Variants in LRMDA observed in about 807,000 individuals in gnomAD.
The protein encoded by LRMDA is leucine rich melanocyte differentiation associated.
LRMDA carries 18 observed loss-of-function variants against 29.8 expected under a neutral mutation model. The observed-to-expected ratio is 0.60, with a 90% CI of 0.42 to 0.90. LRMDA has a LOEUF of 0.90. Ranked by LOEUF, LRMDA falls within the 40% of genes least tolerant of loss-of-function variation. The pLI, the probability that LRMDA is intolerant of heterozygous loss-of-function variation, is 0.00. For synonymous variants in LRMDA, 125 were observed against 109.4 expected, an observed-to-expected ratio of 1.14 and a Z score of -0.89; for missense variants, 273 against 273.9, an observed-to-expected ratio of 1.00 and a Z score of 0.02.
intron 2 of LRMDA, among the ~76,000 whole-genome samples, chr10:75,650,991 T>G (rs923560908): frequency 2.6e-5 from 4 of 152,178 alleles, no homozygotes; most frequent in African/African-American, 4.8e-5. Context: ...TTCACATTGT[T>G]GTGAAAAGAG....
At chr10:76,550,944 G>A (rs2132395476) in intron 6 of LRMDA, among the ~76,000 whole-genome samples, 2 of 152,294 alleles carry the variant, frequency 1.3e-5, no homozygotes, top group South Asian at 4.1e-4. Context: ...AGCCACAGCA[G>A]AGCTGATAGC....
chr10:76,179,446 C>T (rs868168760), intron 5 of LRMDA, among the ~76,000 whole-genome samples: 1 of 152,058 alleles, frequency 6.6e-6, no homozygotes, highest in African/African-American at 2.4e-5. Flanking sequence ...CCATAGCTGG[C>T]ATACTTTGTT....
At chr10:75,913,725 G>A (rs1845882796) in intron 2 of LRMDA, among the ~76,000 whole-genome samples, 1 of 152,176 alleles carries the variant, frequency 6.6e-6, no homozygotes, top group African/African-American at 2.4e-5. Context: ...GAAGCTCGAG[G>A]GCACAATGTG....
chr10:75,533,276 T>C (rs868390447), intron 2 of LRMDA, among the ~76,000 whole-genome samples: 1 of 152,220 alleles, frequency 6.6e-6, no homozygotes, highest in Non-Finnish European at 1.5e-5. Flanking sequence ...CCACTCTTTG[T>C]TTACCCTTAA....
chr10:75,980,401 C>T (rs962487971), intron 2 of LRMDA, among the ~76,000 whole-genome samples: 11 of 152,152 alleles, frequency 7.2e-5, no homozygotes, highest in Admixed American at 5.2e-4. Context: ...ATACATGAAT[C>T]GCCTACCAGG....
At chr10:76,457,238 A>G (rs951611246) in intron 6 of LRMDA, among the ~76,000 whole-genome samples, 1 of 152,190 alleles carries the variant, frequency 6.6e-6, no homozygotes, top group African/African-American at 2.4e-5. Flanking sequence ...CAGCCATGGG[A>G]CAAGTAACGT....
intron 6 of LRMDA, among the ~76,000 whole-genome samples, chr10:76,338,085 AAC>A (rs1491047528): frequency 6.6e-6 from 1 of 151,948 alleles, no homozygotes; most frequent in Non-Finnish European, 1.5e-5. Context: ...AAAAAAAAAA[AAC>A]AATTCCCAAA....
chr10:75,480,750 C>T (rs564346379), intron 2 of LRMDA, among the ~76,000 whole-genome samples: 8 of 152,102 alleles, frequency 5.3e-5, no homozygotes, highest in Admixed American at 2.0e-4. Flanking sequence ...GAATGGGCTG[C>T]GGGTGCAGGT....
chr10:76,476,583 C>A (rs1272147618), intron 6 of LRMDA, among the ~76,000 whole-genome samples: 1 of 152,072 alleles, frequency 6.6e-6, no homozygotes, highest in Non-Finnish European at 1.5e-5. Context: ...CAAAGCCTGG[C>A]AGAGACACAA....
chr10:76,106,974 T>C (rs7920628), intron 5 of LRMDA, among the ~76,000 whole-genome samples: 86,507 of 152,042 alleles, frequency 0.57, 25,174 homozygotes, highest in East Asian at 0.75. Context: ...TCTAAAATAT[T>C]CCCCCTGGAG....
intron 2 of LRMDA, among the ~76,000 whole-genome samples, chr10:75,969,166 T>C (rs1846920872): frequency 1.3e-5 from 2 of 152,194 alleles, no homozygotes; most frequent in Non-Finnish European, 2.9e-5. Context: ...TTGTCTATGT[T>C]GCCTTAATAT....
intron 2 of LRMDA, among the ~76,000 whole-genome samples, chr10:75,943,500 A>C (rs1481359594): frequency 3.9e-5 from 6 of 152,156 alleles, no homozygotes; most frequent in African/African-American, 1.4e-4. Flanking sequence ...CTTTATTCTT[A>C]CTTTTATGTC....
intron 2 of LRMDA, among the ~76,000 whole-genome samples, chr10:75,578,215 C>CAAAAAAA (rs1183989010): frequency 0.018 from 261 of 14,232 alleles, 69 homozygotes; most frequent in East Asian, 0.041. Context: ...AAATGGAAAG[C>CAAAAAAA]AAAAAAAAAA....
At chr10:76,164,046 A>G (rs1850692798) in intron 5 of LRMDA, among the ~76,000 whole-genome samples, 1 of 152,198 alleles carries the variant, frequency 6.6e-6, no homozygotes. Flanking sequence ...AACCCTCTGA[A>G]GTTTCCTAGG....
intron 2 of LRMDA, among the ~76,000 whole-genome samples, chr10:75,732,903 A>T (rs1192445433): frequency 6.6e-6 from 1 of 152,160 alleles, no homozygotes; most frequent in Non-Finnish European, 1.5e-5. Context: ...AAAAAGATTG[A>T]GGAGGGTCCA....
intron 2 of LRMDA, among the ~76,000 whole-genome samples, chr10:75,600,560 A>C (rs867844767): frequency 1.3e-5 from 2 of 152,178 alleles, no homozygotes; most frequent in African/African-American, 4.8e-5. Flanking sequence ...TAGACCTGGG[A>C]AGAAAGAGGT....
intron 2 of LRMDA, among the ~76,000 whole-genome samples, chr10:75,560,781 A>G (rs1188184754): frequency 2.4e-4 from 37 of 152,122 alleles, no homozygotes; most frequent in Admixed American, 5.2e-4. Context: ...TTCTGCATCT[A>G]TTGAGATAAT....
intron 5 of LRMDA, among the ~76,000 whole-genome samples, chr10:76,167,478 C>T (rs909685642): frequency 1.3e-5 from 2 of 152,160 alleles, no homozygotes; most frequent in African/African-American, 4.8e-5. Flanking sequence ...ATATGGCTGG[C>T]CAGTTATCTC....
intron 2 of LRMDA, among the ~76,000 whole-genome samples, chr10:75,666,534 A>G (rs1165046784): frequency 6.6e-6 from 1 of 152,192 alleles, no homozygotes; most frequent in East Asian, 1.9e-4. Flanking sequence ...TCCTTGTACT[A>G]TTGCTTTCTT....
Sources: allele counts gnomAD v4.1 joint callset (sites outside exome capture counted in the v4.1 genomes callset), GRCh38; gene constraint gnomAD v4.1.1; transcripts MANE v1.5; gene names NCBI Gene and HGNC (gene_info 2026-07-23, HGNC 2026-07-21).